CSRNP3: variants seen among roughly 807,000 people sequenced by gnomAD.
The protein encoded by CSRNP3 is cysteine/serine-rich nuclear protein 3.
CSRNP3 carries 12 observed loss-of-function variants against 48.0 expected under a neutral mutation model. That is an observed-to-expected ratio of 0.25 (90% confidence interval 0.16 to 0.41). CSRNP3 has a LOEUF of 0.41. Ranked by LOEUF, CSRNP3 falls within the 10% of genes least tolerant of loss-of-function variation. CSRNP3 has a pLI of 1.00. For missense variants in CSRNP3, 580 were observed against 724.4 expected, an observed-to-expected ratio of 0.80 and a Z score of 2.29; for synonymous variants, 263 against 269.7, an observed-to-expected ratio of 0.98 and a Z score of 0.24.
chr2:165,546,283 A>G (rs1278450044), intron 3 of CSRNP3, among the ~76,000 whole-genome samples: 2 of 152,082 alleles, frequency 1.3e-5, no homozygotes, highest in South Asian at 2.1e-4. Flanking sequence ...CCTCTGTTCA[A>G]TTGGGTTCAA....
intron 4 of CSRNP3, among the ~76,000 whole-genome samples, chr2:165,618,694 A>C (rs527874168): frequency 6.6e-6 from 1 of 152,324 alleles, no homozygotes; most frequent in South Asian, 2.1e-4. Context: ...CACAGAGCAA[A>C]TCATATATGT....
rs1346869532 is a variant in CSRNP3, at chr2:165,685,206, A to G, written c.*5453A>G. 6.6e-6 allele frequency: 1 copy of G among 152,124 alleles called. No individual in the cohort carries two copies. Among genetic ancestry groups the G allele is most frequent in the Non-Finnish European group, 1.5e-5 (1 of 68,000 alleles). 9.4% of individuals were successfully genotyped at this position (152,124 alleles called of 1,614,324 possible). A position where few individuals can be genotyped will look rare whatever the true frequency, so the allele number is the denominator to read the frequency against. On this transcript the variant is annotated 3_prime_UTR_variant, in exon 7 of 7. Coordinates refer to ENST00000651982, the MANE Select transcript of CSRNP3 (RefSeq NM_001172173.2). Reference sequence around the variant, plus strand: ...TTTACCTACCAAATCTAGATATTCAACGTGAGTCCTTAAAACAGTCACTTC... The same window carrying G: ...TTTACCTACCAAATCTAGATATTCAGCGTGAGTCCTTAAAACAGTCACTTC...
chr2:165,506,400 A>G (rs546458197), intron 2 of CSRNP3, among the ~76,000 whole-genome samples: 1 of 152,292 alleles, frequency 6.6e-6, no homozygotes, highest in South Asian at 2.1e-4. Flanking sequence ...GGTAAGGGAT[A>G]CACAAGAATA....
At chr2:165,502,937 A>G (rs1470711731) in intron 2 of CSRNP3, among the ~76,000 whole-genome samples, 4 of 151,054 alleles carry the variant, frequency 2.6e-5, no homozygotes, top group South Asian at 2.1e-4. Flanking sequence ...TGCCTTGTGT[A>G]TGTGTGTGTG....
intron 5 of CSRNP3, among the ~76,000 whole-genome samples, chr2:165,671,258 G>GA (rs1229998001): frequency 2.0e-5 from 3 of 151,940 alleles, no homozygotes; most frequent in African/African-American, 7.3e-5. Context: ...ATTTGAGATA[G>GA]AAAAAAAGAT....
intron 4 of CSRNP3, among the ~76,000 whole-genome samples, chr2:165,652,630 C>T (rs1177994754): frequency 4.6e-5 from 7 of 152,232 alleles, no homozygotes; most frequent in Non-Finnish European, 5.9e-5. Flanking sequence ...ACAACCTCTG[C>T]CTCCTGGGCT....
chr2:165,515,137 G>A (rs1416822416), intron 2 of CSRNP3, among the ~76,000 whole-genome samples: 1 of 143,862 alleles, frequency 7.0e-6, no homozygotes. Flanking sequence ...GGCCAACATG[G>A]TGAAACCCCG....
chr2:165,632,074 C>T (rs1686547597), intron 4 of CSRNP3, among the ~76,000 whole-genome samples: 1 of 152,128 alleles, frequency 6.6e-6, no homozygotes, highest in African/African-American at 2.4e-5. Flanking sequence ...GAAATGATAA[C>T]AAAATATGAC....
chr2:165,565,045 C>G (rs1322150128), intron 3 of CSRNP3, among the ~76,000 whole-genome samples: 2 of 151,996 alleles, frequency 1.3e-5, no homozygotes, highest in African/African-American at 4.8e-5. Flanking sequence ...GTATAACGCT[C>G]AATTTTGTCT....
chr2:165,613,763 T>C (rs930397453), intron 4 of CSRNP3, among the ~76,000 whole-genome samples: 6 of 152,198 alleles, frequency 3.9e-5, no homozygotes, highest in Non-Finnish European at 7.4e-5. Flanking sequence ...TCTATGTGTG[T>C]GTTTTGATGC....
At chr2:165,481,770 A>G (rs374282273) in intron 1 of CSRNP3, among the ~76,000 whole-genome samples, 8 of 152,204 alleles carry the variant, frequency 5.3e-5, no homozygotes, top group African/African-American at 1.9e-4. Context: ...TACAACACAC[A>G]TTCTGGCATT....
chr2:165,483,953 T>C (rs541667631), intron 1 of CSRNP3, among the ~76,000 whole-genome samples: 26 of 152,202 alleles, frequency 1.7e-4, no homozygotes, highest in Non-Finnish European at 3.2e-4. Context: ...TGAATAAATA[T>C]TCAGACCATA....
Position 165,530,909 on chromosome 2 carries a change from GA to G in CSRNP3, c.-24+12955del, listed in dbSNP as rs546350311. Among the ~76,000 whole-genome samples the G allele has an allele frequency of 1.6e-4, 24 of 150,492 alleles. No homozygotes were observed. The East Asian group carries it at 4.3e-3, about 27-fold the overall frequency. On this transcript the variant is annotated intron_variant, in intron 3 of 6. Coordinates refer to ENST00000651982, the MANE Select transcript of CSRNP3 (RefSeq NM_001172173.2). ...TATAGTATGAGAGATTTCTCATTAA[GA>G]AAAAAATTAAAACTAAGGTATGGGA...
chr2:165,673,305 T>C (rs1349272519), intron 5 of CSRNP3, among the ~76,000 whole-genome samples: 1 of 151,726 alleles, frequency 6.6e-6, no homozygotes, highest in Non-Finnish European at 1.5e-5. Context: ...GCCTGGCTAA[T>C]TTTTGTATTT....
intron 2 of CSRNP3, among the ~76,000 whole-genome samples, chr2:165,513,355 A>G (rs1030770863): frequency 6.6e-6 from 1 of 152,208 alleles, no homozygotes; most frequent in Admixed American, 6.5e-5. Context: ...ACTTGTGTTC[A>G]TAGACCATCA....
rs563643122 is a variant in CSRNP3 at position 165,645,964 on chromosome 2, C to T, written c.149-11797C>T. The stretch of plus-strand genomic sequence containing the variant: ...TTCACCATATTCCCCAGGCTAGTCT[C>T]GAACTCCTGAACTCAAGTGATCCAC... On this transcript the variant is annotated intron_variant, in intron 4 of 6. Coordinates refer to ENST00000651982, the MANE Select transcript of CSRNP3 (RefSeq NM_001172173.2). 2.0e-5 allele frequency among the ~76,000 whole-genome samples: 3 copies of T among 151,960 alleles called. No homozygotes were observed. The South Asian group carries it at 6.2e-4, about 32-fold the overall frequency.
chr2:165,656,822 G>A (rs1292182806), intron 4 of CSRNP3, among the ~76,000 whole-genome samples: 1 of 152,036 alleles, frequency 6.6e-6, no homozygotes, highest in Non-Finnish European at 1.5e-5. Context: ...TAAGATCCGA[G>A]GTATGAGGGT....
intron 4 of CSRNP3, among the ~76,000 whole-genome samples, chr2:165,622,060 C>CATCTT (rs1686349767): frequency 6.6e-6 from 1 of 152,140 alleles, no homozygotes; most frequent in Non-Finnish European, 1.5e-5. Flanking sequence ...TTCTAAAAGG[C>CATCTT]ATCTTACTCT....
At position 165,681,968 on chromosome 2, in the gene CSRNP3, C is replaced by T. The variant is rs774597761; in HGVS notation, c.*2215C>T. ...AGAGGCTATTGTTCCTTCATTCAAG[C>T]ACATGAAAGGATCATGTGTACTGTA... On this transcript the variant is annotated 3_prime_UTR_variant, in exon 7 of 7. Transcript: ENST00000651982. 6.6e-5 allele frequency: 10 copies of T among 151,290 alleles called. No homozygotes were observed. The highest frequency in any genetic ancestry group is 1.5e-4 in the Non-Finnish European group (10 of 67,852). 9.4% of individuals were successfully genotyped at this position (151,290 alleles called of 1,614,324 possible).
Sources: allele counts gnomAD v4.1 joint callset (sites outside exome capture counted in the v4.1 genomes callset), GRCh38; gene constraint gnomAD v4.1.1; transcripts MANE v1.5; gene names NCBI Gene and HGNC (gene_info 2026-07-23, HGNC 2026-07-21).